CPAMD8: variants seen among roughly 807,000 people sequenced by gnomAD.
CPAMD8 encodes C3 and PZP-like alpha-2-macroglobulin domain-containing protein 8.
In CPAMD8, 146 loss-of-function variants were observed where a neutral mutation model predicts 224.7. The observed-to-expected ratio is 0.65, with a 90% CI of 0.57 to 0.75. The LOEUF (loss-of-function observed/expected upper bound fraction) is 0.75. CPAMD8 is among the 30% of genes least tolerant of loss of function. The pLI is 0.00. For missense variants in CPAMD8, 2,301 were observed against 2,537.5 expected (o/e 0.91, Z 2.00); for synonymous variants, 966 against 1,044.6 (o/e 0.92, Z 1.45).
chr19:17,012,346 C>CT (rs145012155), intron 3 of CPAMD8, among the ~76,000 whole-genome samples: 11,808 of 92,656 alleles, frequency 0.13, 551 homozygotes, highest in Middle Eastern at 0.21. Flanking sequence ...TTCTTTCTTT[C>CT]TTTCTTTTTT....
intron 29 of CPAMD8, among the ~76,000 whole-genome samples, chr19:16,911,640 G>C (rs2052732401): frequency 6.6e-6 from 1 of 152,194 alleles, no homozygotes; most frequent in Admixed American, 6.5e-5. Context: ...CTGCCTCCCA[G>C]GTTCACGCCA....
At chr19:16,986,227 C>T (rs2055715936) in intron 13 of CPAMD8, among the ~76,000 whole-genome samples, 1 of 152,076 alleles carries the variant, frequency 6.6e-6, no homozygotes, top group Non-Finnish European at 1.5e-5. Flanking sequence ...TGCACCATGC[C>T]CAGCCTGGCC....
chr19:16,943,575 C>T (rs2053976311), intron 22 of CPAMD8, among the ~76,000 whole-genome samples: 1 of 152,172 alleles, frequency 6.6e-6, no homozygotes, highest in Non-Finnish European at 1.5e-5. Flanking sequence ...GCCCTTCACT[C>T]CATTTCACAG....
chr19:16,894,518 TC>T, intron 41 of CPAMD8: 2 of 454,734 alleles, frequency 4.4e-6, no homozygotes, highest in South Asian at 3.1e-5. Context: ...TGAACCCAAC[TC>T]CACGGGGCTC....
chr19:16,974,505 GAGA>G (rs2055185303), intron 17 of CPAMD8, among the ~76,000 whole-genome samples: 1 of 151,768 alleles, frequency 6.6e-6, no homozygotes, highest in African/African-American at 2.4e-5. Flanking sequence ...AGCTCCCAAT[GAGA>G]AGGTTTTCCT....
intron 22 of CPAMD8, among the ~76,000 whole-genome samples, chr19:16,942,015 C>T (rs372457717): frequency 6.6e-6 from 1 of 151,944 alleles, no homozygotes; most frequent in African/African-American, 2.4e-5. Context: ...TGAAGCACCT[C>T]CCCTTCCCTC....
At chr19:16,903,248 G>A (rs1480248385) in intron 34 of CPAMD8, among the ~76,000 whole-genome samples, 18 of 151,898 alleles carry the variant, frequency 1.2e-4, no homozygotes. Context: ...GCCCCAGCCT[G>A]GTCTGGGGCT....
intron 29 of CPAMD8, among the ~76,000 whole-genome samples, chr19:16,912,508 G>C (rs374383390): frequency 1.3e-5 from 2 of 152,342 alleles, no homozygotes; most frequent in South Asian, 2.1e-4. Context: ...CAGTACTTTG[G>C]GAGGCCAAGG....
At position 16,914,478 on chromosome 19, in the gene CPAMD8, G is replaced by C. The variant is rs779938905; in HGVS notation, c.3807C>G (p.Val1269=). ...CAACCACCACGTAGGCTGTCAGCGG[G>C]ACAGTGCCGTGGATCCCACCCTGCA... The part of the protein sequence containing the change: ...KDIQGGIHGT[V]PLTAYVVVAL... The change falls in exon 29 of 42, where the codon GTC becomes GTG. Residue 1269 remains valine, a synonymous_variant. Transcript: ENST00000443236. 4.3e-6 allele frequency: 7 copies of C among 1,614,170 alleles called. No homozygotes were observed. The highest frequency in any genetic ancestry group is 5.9e-6 in the Non-Finnish European group (7 of 1,180,014).
intron 12 of CPAMD8, among the ~76,000 whole-genome samples, chr19:16,990,866 A>G (rs1320174014): frequency 2.1e-5 from 1 of 46,750 alleles, no homozygotes; most frequent in African/African-American, 6.3e-5. Flanking sequence ...TCTGTCTCAA[A>G]AAAAAAAAAA....
intron 17 of CPAMD8, among the ~76,000 whole-genome samples, chr19:16,973,011 C>A (rs372667088): frequency 6.6e-6 from 1 of 151,630 alleles, no homozygotes; most frequent in Non-Finnish European, 1.5e-5. Flanking sequence ...TCTATAAATA[C>A]GAAAAAAATT....
chr19:17,004,048 G>A (rs2056413220), intron 8 of CPAMD8, among the ~76,000 whole-genome samples: 1 of 151,918 alleles, frequency 6.6e-6, no homozygotes. Flanking sequence ...TGGGACCACA[G>A]GTGCGCGCCA....
intron 7 of CPAMD8, among the ~76,000 whole-genome samples, chr19:17,006,146 G>C (rs2056486213): frequency 6.6e-6 from 1 of 152,040 alleles, no homozygotes; most frequent in Admixed American, 6.6e-5. Flanking sequence ...ATTTTTAGTA[G>C]AGACAGGGTT....
At chr19:16,940,253 C>T (rs545741907) in intron 22 of CPAMD8, among the ~76,000 whole-genome samples, 6 of 152,310 alleles carry the variant, frequency 3.9e-5, no homozygotes, top group Non-Finnish European at 5.9e-5. Flanking sequence ...GTAAACTTCT[C>T]GGCTTCCATA....
At chr19:16,986,247 A>G (rs1039201934) in intron 13 of CPAMD8, among the ~76,000 whole-genome samples, 2 of 151,884 alleles carry the variant, frequency 1.3e-5, no homozygotes, top group African/African-American at 2.4e-5. Flanking sequence ...CCCAGCATGA[A>G]CCCATCTTCC....
chr19:16,921,584 C>G (rs2053176366), intron 27 of CPAMD8, among the ~76,000 whole-genome samples: 1 of 152,150 alleles, frequency 6.6e-6, no homozygotes, highest in Non-Finnish European at 1.5e-5. Flanking sequence ...CCAGTCACCG[C>G]TATTCCTGAG....
At chr19:17,011,265 G>A (rs1023047783) in intron 5 of CPAMD8, among the ~76,000 whole-genome samples, 199 bp downstream of exon 5, 4 of 152,122 alleles carry the variant, frequency 2.6e-5, no homozygotes, top group African/African-American at 9.7e-5. Flanking sequence ...CCTTGTTGAG[G>A]GGCAGTGGGC....
intron 18 of CPAMD8, among the ~76,000 whole-genome samples, chr19:16,967,862 C>T (rs200091520): frequency 5.3e-4 from 1 of 1,874 alleles, no homozygotes; most frequent in East Asian, 0.014. Flanking sequence ...CGTGTATATA[C>T]TTGTATATAT....
chr19:16,894,407 G>A (rs531728964), intron 41 of CPAMD8: 4 of 456,702 alleles, frequency 8.8e-6, no homozygotes, highest in South Asian at 4.6e-5. Context: ...GCTCTCAGCA[G>A]GGCAGCCGTT....
Sources: allele counts gnomAD v4.1 joint callset (sites outside exome capture counted in the v4.1 genomes callset), GRCh38; gene constraint gnomAD v4.1.1; transcripts MANE v1.5; gene names NCBI Gene and HGNC (gene_info 2026-07-23, HGNC 2026-07-21).